The following KCNT2 variants were observed in gnomAD, a reference collection of about 807,000 sequenced individuals.
The protein encoded by KCNT2 is potassium channel subfamily T member 2.
In KCNT2, 67 loss-of-function variants were observed where a neutral mutation model predicts 153.8. The observed-to-expected ratio is 0.44, with a 90% CI of 0.36 to 0.53. The LOEUF (loss-of-function observed/expected upper bound fraction) is 0.53. KCNT2 is among the 20% of genes least tolerant of loss of function. The pLI is 0.00. For synonymous variants in KCNT2, 500 were observed against 458.8 expected (o/e 1.09, Z -1.15); for missense variants, 975 against 1,354.8 (o/e 0.72, Z 4.40).
intron 1 of KCNT2, among the ~76,000 whole-genome samples, chr1:196,592,021 C>A (rs1180321930): frequency 6.6e-6 from 1 of 152,072 alleles, no homozygotes; most frequent in Non-Finnish European, 1.5e-5. Context: ...AGATGTATTA[C>A]AAGCTTCTTT....
At chr1:196,311,298 C>A (rs776982439) in intron 21 of KCNT2, among the ~76,000 whole-genome samples, 2 of 151,798 alleles carry the variant, frequency 1.3e-5, no homozygotes, top group Non-Finnish European at 2.9e-5. Context: ...GCATCCTGTA[C>A]AATCCTGACA....
At chr1:196,484,329 G>T (rs1235135438) in intron 3 of KCNT2, among the ~76,000 whole-genome samples, 2 of 150,526 alleles carry the variant, frequency 1.3e-5, no homozygotes, top group Non-Finnish European at 3.0e-5. Context: ...CTTTTTTTTT[G>T]AGAATTGTAT....
chr1:196,516,104 T>A (rs1038775484), intron 1 of KCNT2, among the ~76,000 whole-genome samples: 1 of 152,130 alleles, frequency 6.6e-6, no homozygotes, highest in African/African-American at 2.4e-5. Context: ...AGGAGCTAAA[T>A]CCAGGGGCTG....
intron 17 of KCNT2, among the ~76,000 whole-genome samples, chr1:196,333,627 T>C (rs946369627): frequency 3.3e-5 from 5 of 152,074 alleles, no homozygotes; most frequent in African/African-American, 7.2e-5. Context: ...ACTGGAAATA[T>C]ATGTTGAAGC....
intron 26 of KCNT2, among the ~76,000 whole-genome samples, chr1:196,242,711 A>C (rs1431543463): frequency 1.3e-5 from 2 of 152,164 alleles, no homozygotes; most frequent in Non-Finnish European, 2.9e-5. Flanking sequence ...GCAATGAACA[A>C]GATAGGCAAA....
chr1:196,441,270 T>C (rs899366039), intron 8 of KCNT2, among the ~76,000 whole-genome samples: 8 of 151,664 alleles, frequency 5.3e-5, no homozygotes, highest in Non-Finnish European at 1.2e-4. Flanking sequence ...AGTATCTAGA[T>C]TCATGGCATA....
chr1:196,357,648 G>A (rs1406363850), intron 14 of KCNT2, among the ~76,000 whole-genome samples: 1 of 151,804 alleles, frequency 6.6e-6, no homozygotes, highest in African/African-American at 2.4e-5. Context: ...AAACAGGCAG[G>A]GTGGGAGGCA....
intron 5 of KCNT2, among the ~76,000 whole-genome samples, chr1:196,469,467 G>A (rs1288209314): frequency 6.6e-6 from 1 of 151,996 alleles, no homozygotes; most frequent in Non-Finnish European, 1.5e-5. Flanking sequence ...TTTGTGAAAC[G>A]TACCCTTGTT....
At chr1:196,454,180 TACA>T in intron 8 of KCNT2, among the ~76,000 whole-genome samples, 1 of 151,996 alleles carries the variant, frequency 6.6e-6, no homozygotes, top group Non-Finnish European at 1.5e-5. Flanking sequence ...GTATAGCAGA[TACA>T]ACGATTGTTG....
At chr1:196,370,523 A>G (rs1164208502) in intron 14 of KCNT2, among the ~76,000 whole-genome samples, 3 of 152,054 alleles carry the variant, frequency 2.0e-5, no homozygotes, top group African/African-American at 7.2e-5. Flanking sequence ...AGACCACTTC[A>G]TGCCCACTAG....
At position 196,484,474 on chromosome 1, in the gene KCNT2, C is replaced by T. The variant is rs148575758; in HGVS notation, c.276-2095G>A. Among the ~76,000 whole-genome samples, 102 of 151,952 alleles carry T rather than the reference C, an allele frequency of 6.7e-4. 3 individuals carry two copies. The East Asian group carries it at 0.019, about 28-fold the overall frequency. On this transcript the variant is annotated intron_variant, in intron 3 of 27. Coordinates refer to ENST00000294725, the MANE Select transcript of KCNT2 (RefSeq NM_198503.5). The stretch of plus-strand genomic sequence containing the variant: ...AAATTTCCTCCCATTCTGTAGGTTG[C>T]CTGATATTCACTCTGATTATAGTTT...
chr1:196,328,119 A>G (rs1235905063), intron 18 of KCNT2, among the ~76,000 whole-genome samples: 1 of 152,198 alleles, frequency 6.6e-6, no homozygotes, highest in East Asian at 1.9e-4. Flanking sequence ...AATAAAAGAA[A>G]GAAAGTATTT....
In KCNT2 at chr1:196,256,876, A is replaced by G. The variant is rs532313493; in HGVS notation, c.3211+1318T>C. 2.3e-3 allele frequency among the ~76,000 whole-genome samples: 353 copies of G among 152,106 alleles called. 4 individuals carry two copies. Among genetic ancestry groups the G allele is most frequent in the South Asian group, 0.013 (65 of 4,828 alleles). ...CAGTTATAATCCTTTTAAGAATATA[A>G]TCACCTTCCATGTAAATTAATTGGC... On this transcript the variant is annotated intron_variant, in intron 26 of 27. Transcript: ENST00000294725.
At chr1:196,576,516 C>T (rs1321521718) in intron 1 of KCNT2, among the ~76,000 whole-genome samples, 4 of 152,058 alleles carry the variant, frequency 2.6e-5, no homozygotes, top group South Asian at 4.1e-4. Context: ...AAAAATTTTG[C>T]ACATTATTCT....
chr1:196,444,758 T>C (rs1675543896), intron 8 of KCNT2, among the ~76,000 whole-genome samples: 2 of 151,382 alleles, frequency 1.3e-5, no homozygotes, highest in Admixed American at 1.3e-4. Flanking sequence ...TGAAGAATTT[T>C]AAGCAAGAGA....
intron 14 of KCNT2, among the ~76,000 whole-genome samples, chr1:196,351,089 C>T (rs1164935639): frequency 6.6e-6 from 1 of 152,168 alleles, no homozygotes; most frequent in African/African-American, 2.4e-5. Flanking sequence ...CAGTATCATG[C>T]TGCTTTGGTT....
intron 22 of KCNT2, among the ~76,000 whole-genome samples, chr1:196,302,806 T>C (rs187553211): frequency 7.4e-4 from 112 of 152,142 alleles, no homozygotes; most frequent in African/African-American, 2.0e-3. Context: ...CATTTTTAAA[T>C]TTTTAAGTTT....
At chr1:196,326,943 T>C (rs1663921339) in intron 18 of KCNT2, 54 bp from the exon 19 acceptor site, 1 of 991,450 alleles carries the variant, frequency 1.0e-6, no homozygotes, top group Non-Finnish European at 1.5e-6. Flanking sequence ...CATTAAAATT[T>C]GGAGAAAATT....
At chr1:196,311,486 C>T (rs1662174522) in intron 21 of KCNT2, among the ~76,000 whole-genome samples, 1 of 151,844 alleles carries the variant, frequency 6.6e-6, no homozygotes, top group African/African-American at 2.4e-5. Flanking sequence ...TGCTCATTAT[C>T]TTACAAGTGT....
Sources: allele counts gnomAD v4.1 joint callset (sites outside exome capture counted in the v4.1 genomes callset), GRCh38; gene constraint gnomAD v4.1.1; transcripts MANE v1.5; gene names NCBI Gene and HGNC (gene_info 2026-07-23, HGNC 2026-07-21).